Variants in RXRA observed in about 807,000 individuals in gnomAD.
RXRA encodes the protein retinoic acid receptor RXR-alpha.
In RXRA, 5 loss-of-function variants were observed where a neutral mutation model predicts 44.5. The ratio of observed to expected loss-of-function variants is 0.11; its 90% confidence interval spans 0.06 to 0.24. RXRA has a LOEUF of 0.24. RXRA is among the 10% of genes least tolerant of loss of function. RXRA has a pLI of 1.00. For missense variants in RXRA, 412 were observed against 646.5 expected, an observed-to-expected ratio of 0.64 and a Z score of 3.93; for synonymous variants, 291 against 271.4, an observed-to-expected ratio of 1.07 and a Z score of -0.71.
intron 4 of RXRA, among the ~76,000 whole-genome samples, chr9:134,416,764 G>A (rs886188074): frequency 1.3e-5 from 2 of 152,028 alleles, no homozygotes; most frequent in African/African-American, 4.8e-5. Flanking sequence ...CGTGTCTCCA[G>A]CCTGAGCCAT....
chr9:134,365,233 T>TA lies in RXRA; in HGVS notation c.29-36398dup, dbSNP rs1341106188. On this transcript the variant is annotated intron_variant, in intron 1 of 9. Coordinates refer to ENST00000481739, the MANE Select transcript of RXRA (RefSeq NM_002957.6). The surrounding 1 kb of genome is among the most constrained non-coding windows in gnomAD (Gnocchi z 4.0). ...GGAGTTCTCTTGAGGGCCCCTGTCT[T>TA]ACGGATGAGGAGATAGAGGTTGAGG... Among the ~76,000 whole-genome samples the TA allele has an allele frequency of 6.6e-6, 1 of 152,172 alleles. No individual in the cohort carries two copies. The highest frequency in any genetic ancestry group is 1.5e-5 in the Non-Finnish European group (1 of 68,036).
intron 1 of RXRA, among the ~76,000 whole-genome samples, chr9:134,339,647 CTGTGTG>C (rs782418758): frequency 1.6e-5 from 2 of 121,580 alleles, no homozygotes; most frequent in African/African-American, 6.4e-5. Flanking sequence ...GTGCGTGTGT[CTGTGTG>C]TGTGCCTGTG....
chr9:134,367,979 G>A (rs1172343304), intron 1 of RXRA, among the ~76,000 whole-genome samples: 2 of 152,372 alleles, frequency 1.3e-5, no homozygotes, highest in Admixed American at 1.3e-4. Flanking sequence ...CGGCCGATAA[G>A]CCGCTCCCTG....
At chr9:134,424,592 TTCTG>T in intron 6 of RXRA, 1 of 985,462 alleles carries the variant, frequency 1.0e-6, no homozygotes, top group Non-Finnish European at 1.2e-6. Flanking sequence ...TCCTTGTGTG[TTCTG>T]TCTGCCGGGG....
chr9:134,355,852 A>G (rs1830277035), intron 1 of RXRA, among the ~76,000 whole-genome samples: 1 of 151,494 alleles, frequency 6.6e-6, no homozygotes, highest in South Asian at 2.1e-4. Flanking sequence ...TGGAGTCTGC[A>G]TTTTTCGGAA....
In RXRA at chr9:134,380,108, G is replaced by T. The variant is rs1001916510; in HGVS notation, c.29-21524G>T. On this transcript the variant is annotated intron_variant, in intron 1 of 9. Transcript: ENST00000481739. Reference sequence around the variant, plus strand: ...GTTGTCGTGGTCAGTCGTGCCGCCTGAGGGCCAAGTGTGGCCTTGGCACTG... The same window carrying T: ...GTTGTCGTGGTCAGTCGTGCCGCCTTAGGGCCAAGTGTGGCCTTGGCACTG... The T allele has an allele frequency of 1.1e-5, 11 of 985,478 alleles. No homozygotes were observed. The African/African-American group carries it at 1.7e-4, about 16-fold the overall frequency. 61.0% of individuals were successfully genotyped at this position (985,478 alleles called of 1,614,324 possible).
At chr9:134,352,552 G>A (rs1383939845) in intron 1 of RXRA, among the ~76,000 whole-genome samples, 1 of 152,174 alleles carries the variant, frequency 6.6e-6, no homozygotes, top group Non-Finnish European at 1.5e-5. Flanking sequence ...GTGGGAACTG[G>A]CGTCTGTCCG....
At position 134,433,159 on chromosome 9, in the gene RXRA, TGTTTCCAG is replaced by T. The variant is rs1205411091; in HGVS notation, c.1136-941_1136-934del. On this transcript the variant is annotated intron_variant, in intron 8 of 9. Transcript: ENST00000481739. This position sits in a 1 kb window ranked among gnomAD's most constrained non-coding sequence, Gnocchi z 4.2. Reference sequence around the variant, plus strand: ...TGGGCATCTTCTTGTGGGGAGAGCTTGTTTCCAGGGTCATTTTATCACCCAGGCTGTGC... The same window carrying T: ...TGGGCATCTTCTTGTGGGGAGAGCTTGGTCATTTTATCACCCAGGCTGTGC... Among the ~76,000 whole-genome samples the T allele has an allele frequency of 6.6e-6, 1 of 152,002 alleles. No homozygotes were observed. Among genetic ancestry groups the T allele is most frequent in the Non-Finnish European group, 1.5e-5 (1 of 67,984 alleles).
At chr9:134,359,386 G>A (rs1009184238) in intron 1 of RXRA, among the ~76,000 whole-genome samples, 13 of 152,242 alleles carry the variant, frequency 8.5e-5, no homozygotes, top group Non-Finnish European at 1.0e-4. Flanking sequence ...ATGGCTGCAG[G>A]TGTGCCCCAG....
intron 1 of RXRA, among the ~76,000 whole-genome samples, chr9:134,369,884 G>A (rs541211888): frequency 2.0e-5 from 3 of 152,312 alleles, no homozygotes; most frequent in East Asian, 1.9e-4. Context: ...ACACAGTCCC[G>A]TGTGTGCGGG....
At chr9:134,423,144 ACTGGGG>A (rs1831376172) in intron 6 of RXRA, 1 of 985,296 alleles carries the variant, frequency 1.0e-6, no homozygotes, top group South Asian at 4.7e-5. Context: ...GGGCGTGCTG[ACTGGGG>A]CTGGTTCTTG....
intron 1 of RXRA, among the ~76,000 whole-genome samples, chr9:134,400,193 C>T (rs141177648): frequency 6.6e-5 from 10 of 152,314 alleles, no homozygotes; most frequent in Admixed American, 1.3e-4. Context: ...GAGGCAGATG[C>T]CCATGAGAGG....
At chr9:134,409,392 G>C (rs754291124) in intron 4 of RXRA, among the ~76,000 whole-genome samples, 7 of 152,218 alleles carry the variant, frequency 4.6e-5, no homozygotes, top group Non-Finnish European at 1.5e-5. Context: ...CACTGCTTAG[G>C]TTGGAGAGGT....
At chr9:134,376,509 G>C (rs1830559378) in intron 1 of RXRA, among the ~76,000 whole-genome samples, 1 of 42,390 alleles carries the variant, frequency 2.4e-5, no homozygotes, top group Non-Finnish European at 5.6e-5. Context: ...ACTCTGCTCA[G>C]GCAGCCCTGG....
rs1198572127 is a variant in RXRA, at chr9:134,366,063, T to C, written c.29-35569T>C. On this transcript the variant is annotated intron_variant, in intron 1 of 9. Transcript: ENST00000481739. The surrounding 1 kb of genome is among the most constrained non-coding windows in gnomAD (Gnocchi z 5.9). ...CCCTCCCTTTTTGGGAGGTGGGGCT[T>C]GGCATCTTCAGCATCTCTCGTGCCT... Among the ~76,000 whole-genome samples, 1 of 152,086 alleles carries C rather than the reference T, an allele frequency of 6.6e-6. No individual in the cohort carries two copies. Among genetic ancestry groups the C allele is most frequent in the Admixed American group, 6.5e-5 (1 of 15,280 alleles).
chr9:134,395,566 C>T (rs1384033900), intron 1 of RXRA, among the ~76,000 whole-genome samples: 4 of 152,226 alleles, frequency 2.6e-5, no homozygotes, highest in African/African-American at 7.2e-5. Context: ...CCCCATCCTC[C>T]TTTCTCCTCC....
chr9:134,405,954 C>T (rs1035247424), intron 2 of RXRA: 1 of 152,346 alleles, frequency 6.6e-6, no homozygotes, highest in East Asian at 1.9e-4. Context: ...TGGGACACCC[C>T]TTTCTTCCTC....
At chr9:134,390,024 A>G (rs543052073) in intron 1 of RXRA, among the ~76,000 whole-genome samples, 1 of 152,038 alleles carries the variant, frequency 6.6e-6, no homozygotes, top group Non-Finnish European at 1.5e-5. Flanking sequence ...TTGGGAGGGG[A>G]CACAGCGAGG....
chr9:134,370,267 C>T (rs929768086), intron 1 of RXRA, among the ~76,000 whole-genome samples: 4 of 152,164 alleles, frequency 2.6e-5, no homozygotes, highest in Admixed American at 2.0e-4. Context: ...GCACTGGCTC[C>T]GCCGCTGCTG....
Sources: gnomAD v4.1 joint callset for allele counts (sites outside exome capture counted in the v4.1 genomes callset) on GRCh38, gnomAD v4.1.1 for gene constraint, Gnocchi (gnomAD v3.1) non-coding constraint, MANE v1.5 for transcripts, NCBI Gene and HGNC (gene_info 2026-07-23, HGNC 2026-07-21) for gene names.